LIPA: variants seen among roughly 807,000 people sequenced by gnomAD.
The protein encoded by LIPA is lysosomal acid lipase/cholesteryl ester hydrolase.
LIPA carries 26 observed loss-of-function variants against 40.6 expected under a neutral mutation model. The observed-to-expected ratio is 0.64, with a 90% CI of 0.47 to 0.89. The LOEUF (loss-of-function observed/expected upper bound fraction) is 0.89. LIPA is among the 40% of genes least tolerant of loss of function. The pLI, the probability that LIPA is intolerant of heterozygous loss-of-function variation, is 0.00. For missense variants in LIPA, 455 were observed against 479.6 expected (o/e 0.95, Z 0.48); for synonymous variants, 188 against 168.4 (o/e 1.12, Z -0.90).
intron 2 of LIPA, among the ~76,000 whole-genome samples, chr10:89,351,133 T>C (rs1209520828): frequency 6.6e-6 from 1 of 152,108 alleles, no homozygotes; most frequent in Non-Finnish European, 1.5e-5. Context: ...CTGGGCAGCA[T>C]GACAAAACCA....
chr10:89,362,635 G>T (rs114819127), intron 2 of LIPA: 4 of 441,310 alleles, frequency 9.1e-6, no homozygotes, highest in Admixed American at 3.4e-5. Context: ...CACATAGGCA[G>T]ACTGGCAGAA....
chr10:89,274,783 AC>A (rs1297473634), intron 1 of LIPA, among the ~76,000 whole-genome samples: 1 of 152,160 alleles, frequency 6.6e-6, no homozygotes, highest in Admixed American at 6.5e-5. Flanking sequence ...GTGGGAGGTG[AC>A]CTCTGTTGAG....
At chr10:89,344,667 G>T (rs1843902686), upstream of LIPA, among the ~76,000 whole-genome samples, 1 of 150,988 alleles carries the variant, frequency 6.6e-6, no homozygotes, top group Non-Finnish European at 1.5e-5. Flanking sequence ...TTCTGGCTTG[G>T]TAGTGCTCCC....
chr10:89,318,203 T>A (rs1843551491), intron 1 of LIPA, among the ~76,000 whole-genome samples: 1 of 152,154 alleles, frequency 6.6e-6, no homozygotes, highest in Non-Finnish European at 1.5e-5. Flanking sequence ...CAGGATCATA[T>A]TCACACATAA....
At chr10:89,381,358 A>G (rs1844161413) in intron 2 of LIPA, among the ~76,000 whole-genome samples, 1 of 152,104 alleles carries the variant, frequency 6.6e-6, no homozygotes, top group Non-Finnish European at 1.5e-5. Context: ...CTTCAGCACA[A>G]TATTAATTTT....
At chr10:89,345,433 G>A (rs1272395313), upstream of LIPA, among the ~76,000 whole-genome samples, 1 of 151,960 alleles carries the variant, frequency 6.6e-6, no homozygotes, top group Non-Finnish European at 1.5e-5. Context: ...GGAGGCTGAG[G>A]CAGGAGAATC....
At chr10:89,365,578 T>C (rs1024802010) in intron 2 of LIPA, among the ~76,000 whole-genome samples, 54 of 152,220 alleles carry the variant, frequency 3.5e-4, no homozygotes, top group African/African-American at 1.2e-3. Flanking sequence ...GTTTTTATGG[T>C]TTTAGGTCTA....
chr10:89,301,338 A>C (rs1265904304), intron 1 of LIPA, among the ~76,000 whole-genome samples: 2 of 152,242 alleles, frequency 1.3e-5, no homozygotes, highest in African/African-American at 4.8e-5. Flanking sequence ...AATGATTCAG[A>C]CTAAAATCCC....
intron 2 of LIPA, among the ~76,000 whole-genome samples, chr10:89,364,740 G>T (rs909567559): frequency 6.6e-6 from 1 of 151,468 alleles, no homozygotes; most frequent in African/African-American, 2.4e-5. Flanking sequence ...AAGAGAAAGT[G>T]AAAAAAGTCC....
intron 3 of LIPA, among the ~76,000 whole-genome samples, chr10:89,233,662 G>A (rs554504630): frequency 1.3e-5 from 2 of 152,336 alleles, no homozygotes; most frequent in African/African-American, 4.8e-5. Flanking sequence ...CATTTTGGGA[G>A]GCCGAGGCGG....
chr10:89,384,887 C>A, intron 2 of LIPA: 1 of 628,612 alleles, frequency 1.6e-6, no homozygotes, highest in Non-Finnish European at 2.7e-6. Flanking sequence ...ATGTAGCATG[C>A]AACTGCAACT....
intron 1 of LIPA, among the ~76,000 whole-genome samples, chr10:89,274,504 G>A (rs535332242): frequency 6.6e-5 from 10 of 152,310 alleles, no homozygotes; most frequent in Non-Finnish European, 1.3e-4. Flanking sequence ...GAAAGAGACT[G>A]TTGGGTTGAA....
intron 6 of LIPA, among the ~76,000 whole-genome samples, chr10:89,224,526 A>C (rs965971690): frequency 3.9e-5 from 6 of 152,354 alleles, no homozygotes; most frequent in Admixed American, 1.3e-4. Context: ...TAATGCATGC[A>C]TAATAGAACA....
In LIPA at chr10:89,228,192, A is replaced by T. The variant is rs554238064; in HGVS notation, c.428+8T>A. Reference sequence around the variant, plus strand: ...AATACATCCATGCCATTATCAATTCATATATACCTGAAAGCCCAGAATTCA... The same window carrying T: ...AATACATCCATGCCATTATCAATTCTTATATACCTGAAAGCCCAGAATTCA... On this transcript the variant is annotated splice_region_variant and intron_variant, in intron 4 of 9. Coordinates refer to ENST00000336233, the MANE Select transcript of LIPA (RefSeq NM_000235.4). 6.2e-7 allele frequency: 1 copy of T among 1,610,300 alleles called. No individual in the cohort carries two copies. The highest frequency in any genetic ancestry group is 8.5e-7 in the Non-Finnish European group (1 of 1,176,608).
intron 2 of LIPA, among the ~76,000 whole-genome samples, chr10:89,367,837 G>C (rs1462383708): frequency 6.6e-6 from 1 of 151,448 alleles, no homozygotes; most frequent in Non-Finnish European, 1.5e-5. Context: ...TTTTTTTCCA[G>C]AGACAGGGCC....
chr10:89,372,781 T>C (rs997170663), intron 2 of LIPA, among the ~76,000 whole-genome samples: 2 of 152,340 alleles, frequency 1.3e-5, no homozygotes, highest in South Asian at 2.1e-4. Context: ...TAAATTTCAA[T>C]TGCATCTAGA....
intron 1 of LIPA, among the ~76,000 whole-genome samples, chr10:89,330,484 C>A (rs182725322): frequency 2.6e-4 from 40 of 152,320 alleles, no homozygotes; most frequent in Non-Finnish European, 4.9e-4. Flanking sequence ...GGCTTCCTAT[C>A]TGGAGAGTAA....
intron 1 of LIPA, among the ~76,000 whole-genome samples, chr10:89,295,520 C>A (rs1227081740): frequency 6.6e-6 from 1 of 152,190 alleles, no homozygotes; most frequent in African/African-American, 2.4e-5. Flanking sequence ...CTGGGTCCCA[C>A]ACTGGAATTT....
Sources: gnomAD v4.1 joint callset for allele counts (sites outside exome capture counted in the v4.1 genomes callset) on GRCh38, gnomAD v4.1.1 for gene constraint, MANE v1.5 for transcripts, NCBI Gene and HGNC (gene_info 2026-07-23, HGNC 2026-07-21) for gene names.